Variants in PTCD3 observed in about 807,000 individuals in gnomAD.
PTCD3 encodes the protein small ribosomal subunit protein mS39.
In PTCD3, 89 loss-of-function variants were observed where a neutral mutation model predicts 101.9. The ratio of observed to expected loss-of-function variants is 0.87; its 90% CI spans 0.74 to 1.04. PTCD3 has a LOEUF of 1.04. PTCD3 is among the 50% of genes least tolerant of loss of function. PTCD3 has a pLI of 0.00. For synonymous variants in PTCD3, 296 were observed against 278.5 expected (o/e 1.06, Z -0.63); for missense variants, 870 against 828.2 (o/e 1.05, Z -0.62).
intron 11 of PTCD3, 134 bp downstream of exon 11, chr2:86,125,649 G>C: frequency 8.9e-7 from 1 of 1,128,108 alleles, no homozygotes; most frequent in East Asian, 2.4e-5. Flanking sequence ...TGAAGCAAGA[G>C]TAGAGATCCA....
chr2:86,123,208 G>C (rs1558797079), intron 8 of PTCD3, among the ~76,000 whole-genome samples: 1 of 150,772 alleles, frequency 6.6e-6, no homozygotes, highest in Non-Finnish European at 1.5e-5. Flanking sequence ...GTTGCAGTGA[G>C]CCAAGACCAC....
At chr2:86,130,794 T>A in intron 15 of PTCD3, 57 bp downstream of exon 15, 1 of 1,597,868 alleles carries the variant, frequency 6.3e-7, no homozygotes, top group Non-Finnish European at 8.5e-7. Flanking sequence ...CCGGTTTACC[T>A]GAGTACCAGT....
chr2:86,129,609 T>C (rs374429415), intron 14 of PTCD3, among the ~76,000 whole-genome samples: 11 of 152,280 alleles, frequency 7.2e-5, no homozygotes, highest in African/African-American at 2.6e-4. Flanking sequence ...CCCACTGCAC[T>C]CCAGCCTAGG....
At position 86,133,220 on chromosome 2, in the gene PTCD3, T is replaced by C. The variant is rs1483937044; in HGVS notation, c.1416T>C (p.Asp472=). The C allele has an allele frequency of 3.1e-6, 5 of 1,614,164 alleles. No homozygotes were observed. In the South Asian group the frequency reaches 5.5e-5, roughly 18 times the overall value. The change falls in exon 18 of 24, where the codon GAT becomes GAC. Residue 472 remains aspartate, a synonymous_variant. Transcript: ENST00000254630. ...TGATTTGTCTAATGGAACAAATTGA[T>C]GTTACCTTGAAGTGGTATGAGGACC... The part of the protein sequence containing the change: ...FDLICLMEQI[D]VTLKWYEDLI...
At position 86,137,511 on chromosome 2, in the gene PTCD3, TACTG is replaced by T. The variant is rs756727760; in HGVS notation, c.2025_2028del (p.Asp676AlafsTer35). 3.7e-5 allele frequency: 60 copies of T among 1,613,112 alleles called. No homozygotes were observed. Among genetic ancestry groups the T allele is most frequent in the Admixed American group, 1.2e-4 (7 of 59,978 alleles). On this transcript the variant is annotated frameshift_variant, in exon 24 of 24. Coordinates refer to ENST00000254630, the MANE Select transcript of PTCD3 (RefSeq NM_017952.6). LOFTEE classifies it high-confidence loss of function. Reference sequence around the variant, plus strand: ...TAACTGCATTGACCAGTGACAGTGATACTGACAGCAGCAGTGACAGCGACAGTGA... The same window carrying T: ...TAACTGCATTGACCAGTGACAGTGATACAGCAGCAGTGACAGCGACAGTGA...
chr2:86,107,887 A>C (rs961182081), intron 1 of PTCD3, among the ~76,000 whole-genome samples: 4 of 152,190 alleles, frequency 2.6e-5, no homozygotes, highest in African/African-American at 9.7e-5. Context: ...AAAGTTCTTC[A>C]TTTCAAACCA....
At chr2:86,127,591 ATAATTAGGTATT>A (rs1224896700) in intron 13 of PTCD3, 1 of 464,478 alleles carries the variant, frequency 2.2e-6, no homozygotes, top group African/African-American at 2.0e-5. Flanking sequence ...TTTTCCCAAC[ATAATTAGGTATT>A]TGAACCTAAG....
chr2:86,132,529 C>A, intron 17 of PTCD3, 105 bp downstream of exon 17: 1 of 735,602 alleles, frequency 1.4e-6, no homozygotes, highest in Non-Finnish European at 2.3e-6. Context: ...GGCAACATGC[C>A]AATGATCTAA....
chr2:86,116,716 A>G (rs1674184599), intron 5 of PTCD3, 118 bp downstream of exon 5: 2 of 755,008 alleles, frequency 2.6e-6, no homozygotes, highest in Non-Finnish European at 2.2e-6. Flanking sequence ...AAATTGATAG[A>G]CTATGTGAAT....
chr2:86,128,311 T>G (rs1038697540), intron 14 of PTCD3, among the ~76,000 whole-genome samples: 1 of 151,646 alleles, frequency 6.6e-6, no homozygotes, highest in Non-Finnish European at 1.5e-5. Flanking sequence ...AAATTATTCT[T>G]GAGGGTAGCA....
At chr2:86,130,905 GTCTT>G in intron 15 of PTCD3, 168 bp downstream of exon 15, 1 of 1,449,930 alleles carries the variant, frequency 6.9e-7, no homozygotes. Flanking sequence ...ATTTGCCATG[GTCTT>G]TCTGAGAAAG....
intron 12 of PTCD3, 79 bp downstream of exon 12, chr2:86,125,959 G>C: frequency 9.4e-7 from 1 of 1,061,010 alleles, no homozygotes. Context: ...GCCAGGTGTG[G>C]TGGCTCAAAC....
At chr2:86,110,852 G>A (rs1674064992) in intron 3 of PTCD3, 14 of 689,380 alleles carry the variant, frequency 2.0e-5, no homozygotes, top group Non-Finnish European at 3.8e-5. Flanking sequence ...TTATGAGGGC[G>A]GGATGGAAAT....
chr2:86,124,842 A>C (rs554458323), intron 9 of PTCD3, among the ~76,000 whole-genome samples, 153 bp from the exon 10 acceptor site: 3 of 152,348 alleles, frequency 2.0e-5, no homozygotes, highest in South Asian at 2.1e-4. Flanking sequence ...CCATTTTCAA[A>C]ATGATAATAA....
intron 19 of PTCD3, among the ~76,000 whole-genome samples, 196 bp downstream of exon 19, chr2:86,133,632 TTAAG>T (rs770454050): frequency 1.3e-5 from 2 of 152,212 alleles, no homozygotes; most frequent in Non-Finnish European, 2.9e-5. Flanking sequence ...TGAAAATGAC[TTAAG>T]TCAGTCCCTT....
At chr2:86,136,629 C>A (rs554564727) in intron 22 of PTCD3, 67 bp downstream of exon 22, 2 of 1,514,144 alleles carry the variant, frequency 1.3e-6, no homozygotes, top group Non-Finnish European at 9.2e-7. Context: ...AATTTCTTCA[C>A]CAGCCTTAGC....
chr2:86,125,610 A>C, intron 11 of PTCD3, 95 bp downstream of exon 11: 2 of 1,296,762 alleles, frequency 1.5e-6, no homozygotes, highest in South Asian at 1.2e-5. Flanking sequence ...ATTGGCCTAC[A>C]CTTTACCTTT....
intron 14 of PTCD3, 132 bp downstream of exon 14, chr2:86,128,123 C>A: frequency 2.6e-6 from 2 of 774,410 alleles, no homozygotes; most frequent in South Asian, 3.4e-5. Context: ...TTAACCTGTA[C>A]AGCCTGAGCA....
At chr2:86,133,110 AACCCTTATTTC>A in intron 17 of PTCD3, 57 bp from the exon 18 acceptor site, 1 of 1,556,328 alleles carries the variant, frequency 6.4e-7, no homozygotes, top group East Asian at 2.3e-5. Flanking sequence ...CTATAATTTC[AACCCTTATTTC>A]CCCTGTTGTT....
Sources: allele counts gnomAD v4.1 joint callset (sites outside exome capture counted in the v4.1 genomes callset), GRCh38; gene constraint gnomAD v4.1.1; transcripts MANE v1.5; gene names NCBI Gene and HGNC (gene_info 2026-07-23, HGNC 2026-07-21).